FAM20C: variants seen among roughly 807,000 people sequenced by gnomAD.
The protein encoded by FAM20C is FAM20C golgi associated secretory pathway kinase, also known as extracellular serine/threonine protein kinase FAM20C.
A neutral mutation model predicts 51.5 loss-of-function variants in FAM20C; 40 were observed. The ratio of observed to expected loss-of-function variants is 0.78; its 90% confidence interval spans 0.60 to 1.01. The LOEUF (loss-of-function observed/expected upper bound fraction) is 1.01, where lower values mean the gene tolerates loss of function less well. Ranked by LOEUF, FAM20C falls within the 50% of genes least tolerant of loss-of-function variation. The probability of loss-of-function intolerance (pLI) is 0.00; values close to 1 mark genes in which losing one functional copy is unlikely to be tolerated. For synonymous variants in FAM20C, 406 were observed against 380.6 expected, an observed-to-expected ratio of 1.07 and a Z score of -0.78; for missense variants, 861 against 844.7, an observed-to-expected ratio of 1.02 and a Z score of -0.24.
intron 2 of FAM20C, among the ~76,000 whole-genome samples, chr7:196,425 G>T (rs1270577517): frequency 6.6e-6 from 1 of 152,234 alleles, no homozygotes; most frequent in Non-Finnish European, 1.5e-5. Context: ...GTAGGCGATT[G>T]TTTGTGAAGG....
intron 2 of FAM20C, among the ~76,000 whole-genome samples, chr7:202,135 T>TTC (rs1471090204): frequency 6.6e-6 from 1 of 152,190 alleles, no homozygotes; most frequent in African/African-American, 2.4e-5. Context: ...GGGGAGAGCG[T>TTC]TCCAGATGGG....
At chr7:253,551 C>T (rs1788478011) in intron 5 of FAM20C, among the ~76,000 whole-genome samples, 1 of 137,126 alleles carries the variant, frequency 7.3e-6, no homozygotes, top group Non-Finnish European at 1.7e-5. Context: ...TCCCAGAAAG[C>T]CCCCACTCCA....
chr7:211,938 C>G lies in FAM20C; in HGVS notation c.863+2962C>G, dbSNP rs533730539. ...AGCTCGGTCCTCTCACCGCCGCCCCCCAGGTCAGGTTAGGGCGTTGGCTGG... is the reference window on the plus strand; with the variant it reads ...AGCTCGGTCCTCTCACCGCCGCCCCGCAGGTCAGGTTAGGGCGTTGGCTGG... On this transcript the variant is annotated intron_variant, in intron 3 of 9. Transcript: ENST00000313766. Among the ~76,000 whole-genome samples, 4 of 152,310 alleles carry G rather than the reference C, an allele frequency of 2.6e-5. No individual in the cohort carries two copies. The South Asian group carries it at 8.3e-4, about 32-fold the overall frequency.
chr7:208,759 A>G, intron 2 of FAM20C, 139 bp from the exon 3 acceptor site: 1 of 776,364 alleles, frequency 1.3e-6, no homozygotes, highest in Non-Finnish European at 2.1e-6. Context: ...ACTGCAGAAA[A>G]CTCAAACTTC....
chr7:208,457 C>T (rs940480525), intron 2 of FAM20C, among the ~76,000 whole-genome samples: 5 of 142,612 alleles, frequency 3.5e-5, no homozygotes, highest in Non-Finnish European at 4.7e-5. Flanking sequence ...CACACCTGGC[C>T]GTCCCTTCTA....
intron 2 of FAM20C, among the ~76,000 whole-genome samples, chr7:207,741 G>A (rs909043727): frequency 7.9e-5 from 12 of 152,212 alleles, no homozygotes; most frequent in South Asian, 2.1e-4. Flanking sequence ...CGGACCTACC[G>A]GTCCACAGCG....
chr7:237,794 T>C (rs1787893056), intron 3 of FAM20C, among the ~76,000 whole-genome samples: 1 of 152,130 alleles, frequency 6.6e-6, no homozygotes, highest in East Asian at 1.9e-4. Flanking sequence ...ATAAGGATGA[T>C]AATGATGGTG....
Position 258,683 on chromosome 7 carries a change from G to T in FAM20C, c.1483G>T (p.Val495Leu). ...TTCGCACGACGAGCTCTCCATCCTG[G>T]TGCCGCTACAGCAGTGCTGCAGGTA... ...KYSHDELSIL[V>L]PLQQCCRIRK... The change falls in exon 9 of 10, where the codon GTG (valine) becomes TTG (leucine). Residue 495 changes from valine (V) to leucine (L), a missense_variant. Val to Leu is a conservative substitution (Grantham distance 32). Around this residue, in one of 3 missense-constraint regions of FAM20C, gnomAD observed 269 missense variants for 283.8 expected, o/e 0.95. Transcript: ENST00000313766. 1.3e-6 allele frequency: 2 copies of T among 1,536,640 alleles called. No individual in the cohort carries two copies. Among genetic ancestry groups the T allele is most frequent in the Non-Finnish European group, 1.7e-6 (2 of 1,146,500 alleles).
At chr7:253,258 G>A (rs1267748448) in intron 5 of FAM20C, among the ~76,000 whole-genome samples, 2 of 152,222 alleles carry the variant, frequency 1.3e-5, no homozygotes, top group African/African-American at 4.8e-5. Flanking sequence ...GCAGATGGCA[G>A]ACGTCCGCCT....
intron 3 of FAM20C, chr7:228,893 C>T (rs1787549905): frequency 2.3e-6 from 1 of 437,878 alleles, no homozygotes; most frequent in Admixed American, 2.4e-5. Context: ...GGGGATTCCT[C>T]CTCCTCAAAC....
Position 193,789 on chromosome 7 carries a change from C to T in FAM20C, c.590C>T (p.Ala197Val), listed in dbSNP as rs1785713857. 6.4e-7 allele frequency: 1 copy of T among 1,554,800 alleles called. No individual in the cohort carries two copies. Among genetic ancestry groups the T allele is most frequent in the Non-Finnish European group, 8.7e-7 (1 of 1,149,650 alleles). Reference sequence around the variant, plus strand: ...GACACCAGGCTCAGCCCCAAAGCGGCGGAGAACCCGGACTGGTGAGTGGGG... The same window carrying T: ...GACACCAGGCTCAGCCCCAAAGCGGTGGAGAACCCGGACTGGTGAGTGGGG... ...NSDTRLSPKA[A>V]ENPDWPHAGA... Residue 197 changes from alanine (A) to valine (V), a missense_variant, in exon 1 of 10, where the codon GCG becomes GTG. Physicochemically the swap from Ala to Val is moderately conservative, Grantham distance 64. Transcript: ENST00000313766.
At chr7:231,783 G>A (rs1787699934) in intron 3 of FAM20C, among the ~76,000 whole-genome samples, 1 of 152,162 alleles carries the variant, frequency 6.6e-6, no homozygotes, top group South Asian at 2.1e-4. Context: ...GTCTTTTTCT[G>A]CCTGTCTGGC....
rs942650241 is a variant in FAM20C, at chr7:193,612, C to T, written c.413C>T (p.Pro138Leu). The change falls in exon 1 of 10, where the codon CCG (proline) becomes CTG (leucine). Residue 138 changes from proline (P) to leucine (L), a missense_variant. Transcript: ENST00000313766. ...ALRPHDPAHRPLLRDPGPRRS... is the reference protein window; with the variant it reads ...ALRPHDPAHRLLLRDPGPRRS... ...AGACCCCACGACCCCGCGCACCGGC[C>T]GCTGCTGCGAGACCCCGGCCCGCGT... 9 of 1,535,890 alleles carry T rather than the reference C, an allele frequency of 5.9e-6. No individual in the cohort carries two copies. The African/African-American group carries it at 1.1e-4, about 19-fold the overall frequency.
At chr7:252,608 A>G (rs1308105696) in intron 5 of FAM20C, among the ~76,000 whole-genome samples, 1 of 152,216 alleles carries the variant, frequency 6.6e-6, no homozygotes, top group African/African-American at 2.4e-5. Flanking sequence ...CGTGGGGTCA[A>G]TCAGAAAAGG....
intron 5 of FAM20C, among the ~76,000 whole-genome samples, chr7:254,923 CTTCTT>C (rs1205193259): frequency 7.5e-6 from 1 of 133,732 alleles, no homozygotes; most frequent in Non-Finnish European, 1.6e-5. Flanking sequence ...CTTCATTCCT[CTTCTT>C]GTTTCATTTC....
At chr7:253,160 T>G (rs905712875) in intron 5 of FAM20C, among the ~76,000 whole-genome samples, 1 of 152,224 alleles carries the variant, frequency 6.6e-6, no homozygotes, top group Non-Finnish European at 1.5e-5. Context: ...TTTCCAGCGA[T>G]GGACCCAGTT....
At position 258,337 on chromosome 7, in the gene FAM20C, T is replaced by TG. The variant is rs1316385833; in HGVS notation, c.1446-306dup. Among the ~76,000 whole-genome samples the TG allele has an allele frequency of 5.4e-4, 51 of 93,970 alleles. 8 individuals carry two copies. Among genetic ancestry groups the TG allele is most frequent in the Non-Finnish European group, 7.8e-4 (34 of 43,466 alleles). 61.6% of individuals were successfully genotyped at this position (93,970 alleles called of 152,430 possible). ...GACCCACTGCCCGGGGTGCTGGAGA[T>TG]GGGCAGGGTGGACCCACTGCCTGAG... On this transcript the variant is annotated intron_variant, in intron 8 of 9. Transcript: ENST00000313766.
At chr7:234,155 G>A (rs1479371960) in intron 3 of FAM20C, among the ~76,000 whole-genome samples, 5 of 152,234 alleles carry the variant, frequency 3.3e-5, no homozygotes, top group Non-Finnish European at 5.9e-5. Flanking sequence ...GCCTTCCTTC[G>A]TGAGGAGGAG....
intron 3 of FAM20C, among the ~76,000 whole-genome samples, chr7:227,169 C>T (rs1787480077): frequency 6.6e-6 from 1 of 151,932 alleles, no homozygotes; most frequent in African/African-American, 2.4e-5. Context: ...TATCGAGGGT[C>T]TTTTTGTATT....
Sources: allele counts gnomAD v4.1 joint callset (sites outside exome capture counted in the v4.1 genomes callset), GRCh38; gene constraint gnomAD v4.1.1; regional missense constraint gnomAD v4.1.1; transcripts MANE v1.5; gene names NCBI Gene and HGNC (gene_info 2026-07-23, HGNC 2026-07-21).